PDSS1: variants seen among roughly 807,000 people sequenced by gnomAD.
PDSS1 encodes all trans-polyprenyl-diphosphate synthase PDSS1.
Under a neutral mutation model 57.5 loss-of-function variants are expected in PDSS1, and 43 were observed. The observed-to-expected ratio is 0.75, with a 90% CI of 0.59 to 0.96. PDSS1 has a LOEUF of 0.96. Among genes scored for constraint, PDSS1 ranks in the 50% least tolerant of loss-of-function variants. PDSS1 has a pLI of 0.00. For synonymous variants in PDSS1, 175 were observed against 191.3 expected, an observed-to-expected ratio of 0.91 and a Z score of 0.70; for missense variants, 438 against 527.8, an observed-to-expected ratio of 0.83 and a Z score of 1.67.
In PDSS1 at chr10:26,709,577, T is replaced by TC. The variant is rs1458756864; in HGVS notation, c.337-59dup. ...ACTCCGTCTCAAAAAAAAAAAGAAA[T>TC]CCTGTTGGCTTTCTGTGCAGTTTTT... On this transcript the variant is annotated intron_variant, in intron 4 of 11. Coordinates refer to ENST00000376215, the MANE Select transcript of PDSS1 (RefSeq NM_014317.5). 9.2e-6 allele frequency: 14 copies of TC among 1,528,118 alleles called. No homozygotes were observed. The Admixed American group carries it at 1.0e-4, about 11-fold the overall frequency. 94.7% of individuals were successfully genotyped at this position (1,528,118 alleles called of 1,614,324 possible). A position where few individuals can be genotyped will look rare whatever the true frequency, so the allele number is the denominator to read the frequency against.
In PDSS1 at chr10:26,724,026, A is replaced by C; in HGVS notation, c.734A>C (p.Gln245Pro). 6.2e-7 allele frequency: 1 copy of C among 1,613,692 alleles called. No homozygotes were observed. The highest frequency in any genetic ancestry group is 1.7e-5 in the Admixed American group (1 of 60,014). The change falls in exon 8 of 12, where the codon CAG (glutamine) becomes CCG (proline). Residue 245 changes from glutamine to proline, a missense_variant. Coordinates refer to ENST00000376215, the MANE Select transcript of PDSS1 (RefSeq NM_014317.5). Reference sequence around the variant, plus strand: ...TCCTTCTTTATAGGTGAATTTCTTCAGCTCGGGTCAAAAGAAAATGAGAAT... The same window carrying C: ...TCCTTCTTTATAGGTGAATTTCTTCCGCTCGGGTCAAAAGAAAATGAGAAT... ...IEDLVRGEFL[Q>P]LGSKENENER...
In PDSS1 at chr10:26,703,801, G is replaced by A. The variant is rs540815406; in HGVS notation, c.163-876G>A. On this transcript the variant is annotated intron_variant, in intron 2 of 11. Transcript: ENST00000376215. ...ACTTTCATTGTCATTTTAATATGGCGCCGGGCGCGGTGGCTCACGCCTGTA... is the reference window on the plus strand; with the variant it reads ...ACTTTCATTGTCATTTTAATATGGCACCGGGCGCGGTGGCTCACGCCTGTA... Among the ~76,000 whole-genome samples, 22 of 152,134 alleles carry A rather than the reference G, an allele frequency of 1.4e-4. No individual in the cohort carries two copies. The East Asian group carries it at 2.7e-3, about 19-fold the overall frequency.
chr10:26,720,105 C>G, intron 5 of PDSS1, 113 bp from the exon 6 acceptor site: 1 of 1,490,054 alleles, frequency 6.7e-7, no homozygotes, highest in Non-Finnish European at 9.1e-7. Context: ...TATACCGTTT[C>G]TCTTAGAGAA....
intron 4 of PDSS1, among the ~76,000 whole-genome samples, chr10:26,709,288 G>A (rs373280685): frequency 1.6e-4 from 24 of 152,296 alleles, no homozygotes; most frequent in African/African-American, 5.3e-4. Flanking sequence ...GGCCAGGCAC[G>A]GTGGCTCACG....
At chr10:26,707,411 T>G (rs1196875602) in intron 4 of PDSS1, among the ~76,000 whole-genome samples, 2 of 152,136 alleles carry the variant, frequency 1.3e-5, no homozygotes, top group African/African-American at 2.4e-5. Context: ...TAACAACTGC[T>G]TGACCATCAC....
intron 1 of PDSS1, among the ~76,000 whole-genome samples, chr10:26,700,705 A>G (rs958652379): frequency 6.6e-6 from 1 of 152,032 alleles, no homozygotes; most frequent in Non-Finnish European, 1.5e-5. Flanking sequence ...CCATGATTCT[A>G]AGTTTCTGAG....
At chr10:26,745,170 A>AAT (rs1836791203) in intron 11 of PDSS1, among the ~76,000 whole-genome samples, 1 of 152,110 alleles carries the variant, frequency 6.6e-6, no homozygotes, top group South Asian at 2.1e-4. Flanking sequence ...TCTCAAAAAA[A>AAT]ATTTAAAAAA....
At chr10:26,718,057 T>G (rs1001950505) in intron 5 of PDSS1, 5 of 146,046 alleles carry the variant, frequency 3.4e-5, no homozygotes, top group Admixed American at 2.0e-4. Context: ...GGTTTTTTTG[T>G]GTTTTTTTGA....
chr10:26,728,957 T>G (rs1253428571), intron 8 of PDSS1, among the ~76,000 whole-genome samples: 1 of 151,870 alleles, frequency 6.6e-6, no homozygotes, highest in Non-Finnish European at 1.5e-5. Context: ...TTTTTTGTAT[T>G]TTTAGTAGAG....
intron 1 of PDSS1, among the ~76,000 whole-genome samples, chr10:26,698,123 T>C (rs539833259): frequency 6.6e-6 from 1 of 152,042 alleles, no homozygotes; most frequent in Admixed American, 6.5e-5. Flanking sequence ...GTGGGATCCG[T>C]GTCCTGGGGG....
intron 5 of PDSS1, among the ~76,000 whole-genome samples, chr10:26,713,568 T>TC (rs574989607): frequency 2.3e-3 from 347 of 152,238 alleles, no homozygotes; most frequent in African/African-American, 7.8e-3. Flanking sequence ...TTTGGATTTT[T>TC]TGGGGAAGGA....
intron 10 of PDSS1, among the ~76,000 whole-genome samples, chr10:26,736,207 T>C (rs756829268): frequency 1.3e-5 from 2 of 152,210 alleles, no homozygotes; most frequent in African/African-American, 4.8e-5. Flanking sequence ...TTCAAAGATG[T>C]TCCCTCGACT....
intron 8 of PDSS1, among the ~76,000 whole-genome samples, chr10:26,727,614 G>C (rs931107044): frequency 6.6e-6 from 1 of 151,502 alleles, no homozygotes; most frequent in Admixed American, 6.6e-5. Context: ...TCCCACCTCA[G>C]CCTCCCGAGT....
chr10:26,746,509 A>G lies in PDSS1; in HGVS notation c.*36A>G. ...TGTTCTTTCTGGCAGCTATCTTACC[A>G]GACTGTGCCTAAAGAATTTTGTGGA... On this transcript the variant is annotated 3_prime_UTR_variant, in exon 12 of 12. Transcript: ENST00000376215. The G allele has an allele frequency of 6.2e-7, 1 of 1,610,670 alleles. No individual in the cohort carries two copies. The highest frequency in any genetic ancestry group is 8.5e-7 in the Non-Finnish European group (1 of 1,176,990).
At chr10:26,727,042 A>G (rs1452154505) in intron 8 of PDSS1, among the ~76,000 whole-genome samples, 2 of 144,404 alleles carry the variant, frequency 1.4e-5, no homozygotes, top group Non-Finnish European at 3.0e-5. Flanking sequence ...AGCCTGGGCA[A>G]TAGAGCGAGA....
intron 6 of PDSS1, among the ~76,000 whole-genome samples, chr10:26,721,032 G>A (rs552584014): frequency 2.0e-5 from 3 of 152,180 alleles, no homozygotes; most frequent in East Asian, 1.9e-4. Flanking sequence ...CAGGCCAGGC[G>A]CAGTGGCTCA....
chr10:26,707,963 C>G (rs1028481257), intron 4 of PDSS1, among the ~76,000 whole-genome samples: 1 of 152,226 alleles, frequency 6.6e-6, no homozygotes, highest in Admixed American at 6.5e-5. Context: ...TCCCCACTGC[C>G]CCAGGCCAGG....
intron 10 of PDSS1, among the ~76,000 whole-genome samples, chr10:26,740,141 C>CA (rs57093244): frequency 0.09 from 8,811 of 98,286 alleles, 673 homozygotes; most frequent in African/African-American, 0.24. Flanking sequence ...AACTCCATCT[C>CA]AAAAAAAAAA....
chr10:26,739,733 G>C (rs1836521589), intron 10 of PDSS1, among the ~76,000 whole-genome samples: 2 of 152,192 alleles, frequency 1.3e-5, no homozygotes, highest in Admixed American at 6.5e-5. Context: ...TGTGTGTAGT[G>C]GCTCACGTCC....
Sources: allele counts gnomAD v4.1 joint callset (sites outside exome capture counted in the v4.1 genomes callset), GRCh38; gene constraint gnomAD v4.1.1; transcripts MANE v1.5; gene names NCBI Gene and HGNC (gene_info 2026-07-23, HGNC 2026-07-21).